The following ACTN4 variants were observed in gnomAD, a reference collection of about 807,000 sequenced individuals.
ACTN4 encodes actinin alpha 4.
A neutral mutation model predicts 114.2 loss-of-function variants in ACTN4; 18 were observed. The observed-to-expected ratio is 0.16, with a 90% CI of 0.11 to 0.23. The LOEUF is 0.23. Among genes scored for constraint, ACTN4 ranks in the 10% least tolerant of loss-of-function variants. ACTN4 has a pLI of 1.00. For synonymous variants in ACTN4, 515 were observed against 506.3 expected, an observed-to-expected ratio of 1.02 and a Z score of -0.23; for missense variants, 722 against 1,262.9, an observed-to-expected ratio of 0.57 and a Z score of 6.49.
chr19:38,697,620 C>T (rs1477002922), intron 1 of ACTN4, among the ~76,000 whole-genome samples: 2 of 152,256 alleles, frequency 1.3e-5, no homozygotes, highest in Non-Finnish European at 2.9e-5. Flanking sequence ...CCTGCAGGAG[C>T]AGCCCACACA....
At position 38,724,683 on chromosome 19, in the gene ACTN4, T is replaced by A; in HGVS notation, c.2010+118T>A. The A allele has an allele frequency of 6.6e-7, 1 of 1,524,928 alleles. No individual in the cohort carries two copies. The highest frequency in any genetic ancestry group is 8.9e-7 in the Non-Finnish European group (1 of 1,117,460). The allele number at this position is 1,524,928 out of a possible 1,614,324, so 94.5% of individuals were successfully genotyped here. On this transcript the variant is annotated intron_variant, in intron 16 of 20. Transcript: ENST00000252699. This position sits in a 1 kb window ranked among gnomAD's most constrained non-coding sequence, Gnocchi z 7.0. ...AGGCGCCTGGCAGAGCAGGTCCCAA[T>A]TCTCACCACCCAGGGGCCGTGATCA...
chr19:38,667,717 A>AAG (rs1250264499), intron 1 of ACTN4, among the ~76,000 whole-genome samples: 10 of 151,804 alleles, frequency 6.6e-5, no homozygotes, highest in Non-Finnish European at 1.5e-4. Flanking sequence ...AAAAAAAAAA[A>AAG]AAAACCATTT....
At chr19:38,715,424 G>C (rs1009302113) in intron 9 of ACTN4, among the ~76,000 whole-genome samples, 2 of 152,298 alleles carry the variant, frequency 1.3e-5, no homozygotes, top group African/African-American at 4.8e-5. Context: ...TTGAGCCTGG[G>C]AGGCAGAGGT....
At chr19:38,678,590 T>A (rs1310959946) in intron 1 of ACTN4, among the ~76,000 whole-genome samples, 1 of 152,226 alleles carries the variant, frequency 6.6e-6, no homozygotes, top group Non-Finnish European at 1.5e-5. Context: ...AGATAGAGGA[T>A]ACGCAGTGTG....
intron 1 of ACTN4, among the ~76,000 whole-genome samples, chr19:38,663,676 C>T (rs1568681139): frequency 6.6e-6 from 1 of 152,176 alleles, no homozygotes; most frequent in South Asian, 2.1e-4. Flanking sequence ...TTTGGAGTAG[C>T]GCTACCAGTT....
At chr19:38,664,386 A>G (rs1311697631) in intron 1 of ACTN4, among the ~76,000 whole-genome samples, 2 of 151,910 alleles carry the variant, frequency 1.3e-5, no homozygotes, top group Non-Finnish European at 2.9e-5. Context: ...ACCGAGTTGC[A>G]TTCTGGTCCC....
intron 13 of ACTN4, 105 bp from the exon 14 acceptor site, chr19:38,723,832 A>G (rs1002219871): frequency 8.1e-6 from 12 of 1,474,846 alleles, no homozygotes; most frequent in African/African-American, 2.8e-5. Context: ...CACGGAGAGG[A>G]TGTTCTCTGA....
intron 11 of ACTN4, among the ~76,000 whole-genome samples, chr19:38,719,602 G>A (rs1226595539): frequency 2.0e-5 from 3 of 152,266 alleles, no homozygotes; most frequent in Admixed American, 6.5e-5. Flanking sequence ...TGAGGAGAGC[G>A]TGTTAGCACC....
intron 1 of ACTN4, among the ~76,000 whole-genome samples, chr19:38,657,146 ATT>A (rs60937573): frequency 2.2e-5 from 3 of 133,814 alleles, no homozygotes; most frequent in Non-Finnish European, 1.6e-5. Flanking sequence ...GCTAATTTTA[ATT>A]TTTTTTTTTT....
At chr19:38,656,067 T>G (rs1370941230) in intron 1 of ACTN4, among the ~76,000 whole-genome samples, 1 of 152,204 alleles carries the variant, frequency 6.6e-6, no homozygotes, top group Non-Finnish European at 1.5e-5. Flanking sequence ...AAATGTGGGT[T>G]TATCATTTGT....
At chr19:38,709,738 A>G (rs193292838) in intron 7 of ACTN4, among the ~76,000 whole-genome samples, 80 of 151,970 alleles carry the variant, frequency 5.3e-4, no homozygotes, top group South Asian at 1.7e-3. Flanking sequence ...TGAAGGATCA[A>G]CTCTCCTGAG....
chr19:38,674,435 T>A (rs150692612), intron 1 of ACTN4, among the ~76,000 whole-genome samples: 54 of 152,288 alleles, frequency 3.5e-4, no homozygotes, highest in Middle Eastern at 3.4e-3. Flanking sequence ...AGTCACTGTT[T>A]TAGGTACTGG....
In ACTN4 at chr19:38,729,687, C is replaced by CT. The variant is rs1204839057; in HGVS notation, c.*261dup. The stretch of plus-strand genomic sequence containing the variant: ...TGGTAAATATGTATGATGTGTTGTG[C>CT]TTTTTTAACCAAGGAGGGGCCAGTG... On this transcript the variant is annotated 3_prime_UTR_variant, in exon 21 of 21. Transcript: ENST00000252699. The CT allele has an allele frequency of 4.5e-6, 3 of 674,100 alleles. No homozygotes were observed. The highest frequency in any genetic ancestry group is 8.1e-6 in the Non-Finnish European group (3 of 370,456). The allele number at this position is 674,100 out of a possible 1,614,324, so 41.8% of individuals were successfully genotyped here.
chr19:38,647,687 A>G lies in ACTN4; in HGVS notation c.-59A>G, dbSNP rs1415734432. ...CGGCGGTAGCGGCGGCGGCTCGGGC[A>G]GAGGGGCGGGAGCTGAGGCGGGAGC... On this transcript the variant is annotated 5_prime_UTR_variant, in exon 1 of 21. Coordinates refer to ENST00000252699, the MANE Select transcript of ACTN4 (RefSeq NM_004924.6). 12 of 1,501,204 alleles carry G rather than the reference A, an allele frequency of 8.0e-6. No homozygotes were observed. The highest frequency in any genetic ancestry group is 7.3e-5 in the African/African-American group (5 of 68,554). The allele number at this position is 1,501,204 out of a possible 1,614,324, so 93.0% of individuals were successfully genotyped here. A position where few individuals can be genotyped will look rare whatever the true frequency, so the allele number is the denominator to read the frequency against.
chr19:38,657,681 G>T (rs532444566), intron 1 of ACTN4, among the ~76,000 whole-genome samples: 1 of 152,128 alleles, frequency 6.6e-6, no homozygotes, highest in East Asian at 1.9e-4. Context: ...CGTTTCGGTG[G>T]TGAAGGCCAG....
At chr19:38,705,142 G>A (rs954460207) in intron 4 of ACTN4, 122 bp downstream of exon 4, 1 of 930,286 alleles carries the variant, frequency 1.1e-6, no homozygotes, top group Non-Finnish European at 1.7e-6. Context: ...CACAGGGCCT[G>A]GCCCTTGCAG....
intron 1 of ACTN4, among the ~76,000 whole-genome samples, chr19:38,679,442 G>A (rs952258806): frequency 1.3e-5 from 2 of 152,122 alleles, no homozygotes; most frequent in Admixed American, 6.5e-5. Context: ...CAAAAGTGGT[G>A]GGACTCCTTT....
intron 12 of ACTN4, among the ~76,000 whole-genome samples, chr19:38,722,202 T>C (rs1433396606): frequency 6.6e-6 from 1 of 152,078 alleles, no homozygotes; most frequent in Non-Finnish European, 1.5e-5. Context: ...TGTACACAAT[T>C]AGTACGCTGA....
chr19:38,697,276 C>T (rs1968127308), intron 1 of ACTN4, among the ~76,000 whole-genome samples: 1 of 152,232 alleles, frequency 6.6e-6, no homozygotes. Flanking sequence ...GGGTCTCCTG[C>T]CATCCCATTT....
Sources: allele counts gnomAD v4.1 joint callset (sites outside exome capture counted in the v4.1 genomes callset), GRCh38; gene constraint gnomAD v4.1.1; non-coding constraint Gnocchi (gnomAD v3.1); transcripts MANE v1.5; gene names NCBI Gene and HGNC (gene_info 2026-07-23, HGNC 2026-07-21).